The following CTDP1 variants were observed in gnomAD, a reference collection of about 807,000 sequenced individuals.
CTDP1 encodes the protein RNA polymerase II subunit A C-terminal domain phosphatase.
CTDP1 carries 47 observed loss-of-function variants against 91.8 expected under a neutral mutation model. That is an observed-to-expected ratio of 0.51 (90% CI 0.41 to 0.65). CTDP1 has a LOEUF of 0.65. Ranked by LOEUF, CTDP1 falls within the 30% of genes least tolerant of loss-of-function variation. The probability of loss-of-function intolerance (pLI) is 0.00; values close to 1 mark genes in which losing one functional copy is unlikely to be tolerated. For synonymous variants in CTDP1, 656 were observed against 598.5 expected (o/e 1.10, Z -1.40); for missense variants, 1,272 against 1,373.7 (o/e 0.93, Z 1.17).
Position 79,680,263 on chromosome 18 carries a change from T to C in CTDP1, c.314+2T>C. 7.8e-7 allele frequency: 1 copy of C among 1,280,724 alleles called. No homozygotes were observed. Among genetic ancestry groups the C allele is most frequent in the Non-Finnish European group, 9.8e-7 (1 of 1,017,538 alleles). The allele number at this position is 1,280,724 out of a possible 1,614,324, so 79.3% of individuals were successfully genotyped here. A position where few individuals can be genotyped will look rare whatever the true frequency, so the allele number is the denominator to read the frequency against. ...GCCGGGCCAGGTGGTCGCCCCAGGGTGAGTGTGCTGAGCCGGGCGGGGCCG... is the reference window on the plus strand; with the variant it reads ...GCCGGGCCAGGTGGTCGCCCCAGGGCGAGTGTGCTGAGCCGGGCGGGGCCG... On this transcript the variant is annotated splice_donor_variant, in intron 1 of 12. Coordinates refer to ENST00000613122, the MANE Select transcript of CTDP1 (RefSeq NM_004715.5). LOFTEE classifies it high-confidence loss of function.
chr18:79,688,165 C>T (rs1174418591), intron 1 of CTDP1, among the ~76,000 whole-genome samples: 1 of 152,290 alleles, frequency 6.6e-6, no homozygotes, highest in African/African-American at 2.4e-5. Context: ...TGCAGAGCGT[C>T]AGCCACAGCT....
chr18:79,699,597 C>T (rs2085817581), intron 4 of CTDP1, among the ~76,000 whole-genome samples: 2 of 151,978 alleles, frequency 1.3e-5, no homozygotes, highest in African/African-American at 4.8e-5. Flanking sequence ...TTCTGACAAA[C>T]TAGGTATTTT....
chr18:79,751,748 C>A (rs556249355), intron 12 of CTDP1, among the ~76,000 whole-genome samples: 1 of 152,066 alleles, frequency 6.6e-6, no homozygotes, highest in Non-Finnish European at 1.5e-5. Context: ...GTGTGAGCCT[C>A]GAGTGCATGT....
At chr18:79,748,900 TGTCTGTGTGTGAGCC>T (rs1279126212) in intron 12 of CTDP1, among the ~76,000 whole-genome samples, 8 of 113,798 alleles carry the variant, frequency 7.0e-5, no homozygotes, top group African/African-American at 3.4e-4. Flanking sequence ...GTGTTTGCCG[TGTCTGTGTGTGAGCC>T]GTGTCTGTGT....
intron 12 of CTDP1, among the ~76,000 whole-genome samples, chr18:79,749,539 G>T (rs2086952755): frequency 6.6e-6 from 1 of 151,386 alleles, no homozygotes; most frequent in Non-Finnish European, 1.5e-5. Flanking sequence ...CCCCCTCCTG[G>T]ACTTGGTGAC....
downstream of CTDP1, chr18:79,755,886 T>C: frequency 6.5e-6 from 1 of 152,690 alleles, no homozygotes; most frequent in Non-Finnish European, 1.5e-5. Context: ...CGGGGCCTGG[T>C]GACGGGAGGG....
chr18:79,720,841 G>A (rs1477296425), intron 10 of CTDP1, among the ~76,000 whole-genome samples: 1 of 152,100 alleles, frequency 6.6e-6, no homozygotes, highest in Non-Finnish European at 1.5e-5. Flanking sequence ...CCCTCATCTC[G>A]GACCCCCAGG....
chr18:79,735,914 T>C (rs2086658467), intron 11 of CTDP1: 4 of 207,618 alleles, frequency 1.9e-5, no homozygotes, highest in Admixed American at 5.2e-5. Context: ...CGGCCACGTC[T>C]CCACCCCCAG....
rs778778837 is a variant in CTDP1 at position 79,718,021 on chromosome 18, G to T, written c.2417+5G>T. Reference sequence around the variant, plus strand: ...CCAGGAGCCCTCTTCCTTCAGGTACGTGGCGGCCCAGCCACTGTCCCCAGC... The same window carrying T: ...CCAGGAGCCCTCTTCCTTCAGGTACTTGGCGGCCCAGCCACTGTCCCCAGC... On this transcript the variant is annotated splice_donor_5th_base_variant and intron_variant, in intron 10 of 12. Transcript: ENST00000613122. 6.2e-7 allele frequency: 1 copy of T among 1,612,770 alleles called. No homozygotes were observed. Among genetic ancestry groups the T allele is most frequent in the South Asian group, 1.1e-5 (1 of 91,072 alleles).
chr18:79,720,058 G>C (rs1462342329), intron 10 of CTDP1, among the ~76,000 whole-genome samples: 3 of 148,534 alleles, frequency 2.0e-5, no homozygotes, highest in South Asian at 2.2e-4. Context: ...AAGGCGTCCT[G>C]GTGATGATGT....
chr18:79,718,717 CTTTG>C (rs144960725), intron 10 of CTDP1, among the ~76,000 whole-genome samples: 6,254 of 152,184 alleles, frequency 0.041, 194 homozygotes, highest in South Asian at 0.16. Context: ...AGTGAGGAGT[CTTTG>C]TTTGTACCGT....
Position 79,695,976 on chromosome 18 carries a change from G to T in CTDP1, c.399-1G>T. ...CCCTGAACCTGTCCTTGCACTTGCAGGTTGCAGAGTAAGAACGGGAAGCAG... is the reference window on the plus strand; with the variant it reads ...CCCTGAACCTGTCCTTGCACTTGCATGTTGCAGAGTAAGAACGGGAAGCAG... On this transcript the variant is annotated splice_acceptor_variant, in intron 2 of 12. Transcript: ENST00000613122. LOFTEE classifies it high-confidence loss of function. The T allele has an allele frequency of 6.2e-7, 1 of 1,611,900 alleles. No homozygotes were observed. The highest frequency in any genetic ancestry group is 8.5e-7 in the Non-Finnish European group (1 of 1,179,692).
At chr18:79,677,810 GAACC>G (rs2085271700), upstream of CTDP1, 1 of 152,188 alleles carries the variant, frequency 6.6e-6, no homozygotes, top group African/African-American at 2.4e-5. Context: ...CTTACAGTGT[GAACC>G]AGGGGTTCAT....
intron 12 of CTDP1, among the ~76,000 whole-genome samples, chr18:79,745,334 G>GCGTTCTGTCCCTGCGTCCCTCCCGTGCA: frequency 1.0e-5 from 1 of 99,006 alleles, no homozygotes; most frequent in African/African-American, 4.9e-5. Context: ...CCTCCCGTGC[G>GCGTTCTGTCCCTGCGTCCCTCCCGTGCA]CGTTCTGTGC....
At chr18:79,715,836 T>G (rs2086196442) in intron 8 of CTDP1, among the ~76,000 whole-genome samples, 1 of 152,114 alleles carries the variant, frequency 6.6e-6, no homozygotes, top group South Asian at 2.1e-4. Flanking sequence ...AGGGACGTAG[T>G]GGAGAAATTC....
At chr18:79,728,325 C>G (rs982212300) in intron 10 of CTDP1, among the ~76,000 whole-genome samples, 11 of 152,182 alleles carry the variant, frequency 7.2e-5, no homozygotes, top group African/African-American at 2.7e-4. Context: ...GTCTCGAACT[C>G]CTCACCTGAA....
intron 12 of CTDP1, among the ~76,000 whole-genome samples, chr18:79,739,671 T>C (rs1455802095): frequency 2.0e-5 from 3 of 152,192 alleles, no homozygotes; most frequent in Non-Finnish European, 4.4e-5. Flanking sequence ...ACTCTATGTC[T>C]TACAGACTCG....
At chr18:79,726,987 T>G (rs1599280402) in intron 10 of CTDP1, among the ~76,000 whole-genome samples, 5 of 132,730 alleles carry the variant, frequency 3.8e-5, no homozygotes, top group Non-Finnish European at 6.4e-5. Flanking sequence ...GGGGGTGGGG[T>G]GACGCCGTTG....
chr18:79,718,156 T>C, intron 10 of CTDP1, 140 bp downstream of exon 10: 2 of 1,000,982 alleles, frequency 2.0e-6, no homozygotes, highest in Non-Finnish European at 3.0e-6. Flanking sequence ...TTCCACCTTG[T>C]GGGAGCGCCG....
Sources: allele counts gnomAD v4.1 joint callset (sites outside exome capture counted in the v4.1 genomes callset), GRCh38; gene constraint gnomAD v4.1.1; transcripts MANE v1.5; gene names NCBI Gene and HGNC (gene_info 2026-07-23, HGNC 2026-07-21).